Variants in DNAAF5 observed in about 807,000 individuals in gnomAD.
The protein encoded by DNAAF5 is HEAT repeat containing 2.
Under a neutral mutation model 75.8 loss-of-function variants are expected in DNAAF5, and 64 were observed. The observed-to-expected ratio is 0.84, with a 90% CI of 0.69 to 1.04. The LOEUF (loss-of-function observed/expected upper bound fraction) is 1.04. Ranked by LOEUF, DNAAF5 falls within the 50% of genes least tolerant of loss-of-function variation. The probability of loss-of-function intolerance (pLI) is 0.00; values close to 1 mark genes in which losing one functional copy is unlikely to be tolerated. For missense variants in DNAAF5, 1,269 were observed against 1,178.5 expected, an observed-to-expected ratio of 1.08 and a Z score of -1.12; for synonymous variants, 657 against 557.2, an observed-to-expected ratio of 1.18 and a Z score of -2.52.
chr7:752,054 G>A (rs1782314437), intron 4 of DNAAF5, among the ~76,000 whole-genome samples: 1 of 152,236 alleles, frequency 6.6e-6, no homozygotes, highest in Admixed American at 6.5e-5. Context: ...CCACAGTCAT[G>A]GGGCCACGTG....
At chr7:748,781 C>T (rs974809358) in intron 4 of DNAAF5, among the ~76,000 whole-genome samples, 29 of 152,194 alleles carry the variant, frequency 1.9e-4, no homozygotes, top group African/African-American at 6.5e-4. Flanking sequence ...GAGCACCCAG[C>T]GAGCTGATGA....
At chr7:761,257 G>C (rs1051908427) in intron 6 of DNAAF5, among the ~76,000 whole-genome samples, 15 of 152,154 alleles carry the variant, frequency 9.9e-5, no homozygotes, top group African/African-American at 2.4e-4. Flanking sequence ...GCGCCTGGGG[G>C]CTCTCCCTGC....
intron 8 of DNAAF5, among the ~76,000 whole-genome samples, chr7:769,868 CGACCTCAGGT>C (rs1184836383): frequency 6.6e-6 from 1 of 152,086 alleles, no homozygotes; most frequent in East Asian, 1.9e-4. Context: ...CTCGAACTCC[CGACCTCAGGT>C]GACCTCAGGT....
At chr7:768,327 CG>C (rs766084784) in intron 8 of DNAAF5, 1 of 145,996 alleles carries the variant, frequency 6.8e-6, no homozygotes, top group Non-Finnish European at 1.5e-5. Flanking sequence ...CAGGAGCTCT[CG>C]CTGGGAGGGC....
At chr7:782,283 TC>T in intron 12 of DNAAF5, among the ~76,000 whole-genome samples, 1 of 148,288 alleles carries the variant, frequency 6.7e-6, no homozygotes, top group Non-Finnish European at 1.5e-5. Flanking sequence ...ACACGCGGCA[TC>T]AGAAACTCGG....
chr7:784,965 G>A (rs750050853), intron 12 of DNAAF5, among the ~76,000 whole-genome samples: 12 of 151,782 alleles, frequency 7.9e-5, no homozygotes, highest in Non-Finnish European at 1.2e-4. Context: ...TGACCATGCA[G>A]CATCAGGTCA....
intron 6 of DNAAF5, among the ~76,000 whole-genome samples, chr7:757,472 C>T (rs1022631883): frequency 2.0e-5 from 3 of 151,258 alleles, no homozygotes; most frequent in African/African-American, 4.8e-5. Context: ...CTGCACAGAT[C>T]GCACGTCCTC....
intron 9 of DNAAF5, 86 bp from the exon 10 acceptor site, chr7:773,962 C>T (rs532132589): frequency 2.0e-6 from 3 of 1,504,936 alleles, no homozygotes; most frequent in Admixed American, 1.7e-5. Flanking sequence ...TTGGCTCCCC[C>T]CTCAGCCCCA....
At position 774,068 on chromosome 7, in the gene DNAAF5, AGACGGTGACAAAG is replaced by A; in HGVS notation, c.1956_1968del (p.Val653SerfsTer46). The A allele has an allele frequency of 1.2e-6, 2 of 1,613,988 alleles. No individual in the cohort carries two copies. The highest frequency in any genetic ancestry group is 1.7e-6 in the Non-Finnish European group (2 of 1,179,998). On this transcript the variant is annotated frameshift_variant, in exon 10 of 13. Coordinates refer to ENST00000297440, the MANE Select transcript of DNAAF5 (RefSeq NM_017802.4). LOFTEE classifies it high-confidence loss of function. The stretch of plus-strand genomic sequence containing the variant: ...TCCAGGCAGTTTCCCAGCTACCTCG[AGACGGTGACAAAG>A]GACATCCTGGCCCCCAATCTGCAGT...
rs560200877 is a variant in DNAAF5 at position 775,014 on chromosome 7, C to T, written c.2091C>T (p.Asp697=). The change falls in exon 11 of 13, where the codon GAC becomes GAT. Residue 697 remains aspartate, a synonymous_variant. Coordinates refer to ENST00000297440, the MANE Select transcript of DNAAF5 (RefSeq NM_017802.4). The stretch of plus-strand genomic sequence containing the variant: ...GTGTTTGCTGATTGCAGATACGGGA[C>T]GTGCAGGAAACACTGATGCCCCAGG... ...SEVLSAEQIR[D]VQETLMPQVL... 27 of 1,613,824 alleles carry T rather than the reference C, an allele frequency of 1.7e-5. No homozygotes were observed. The highest frequency in any genetic ancestry group is 2.7e-5 in the African/African-American group (2 of 75,002).
intron 2 of DNAAF5, among the ~76,000 whole-genome samples, chr7:734,161 G>C (rs996051546): frequency 1.3e-5 from 2 of 152,188 alleles, no homozygotes; most frequent in Non-Finnish European, 2.9e-5. Context: ...GTGAAAGCGA[G>C]CATCCTTGTC....
intron 12 of DNAAF5, among the ~76,000 whole-genome samples, chr7:782,632 GCGTGGCCGCCTCCCGT>G (rs1779004759): frequency 1.4e-5 from 2 of 145,800 alleles, no homozygotes; most frequent in Non-Finnish European, 3.0e-5. Context: ...GATATTCCTG[GCGTGGCCGCCTCCCGT>G]CACGCAGCGT....
intron 8 of DNAAF5, chr7:768,987 C>T: frequency 1.7e-6 from 1 of 594,702 alleles, no homozygotes; most frequent in Non-Finnish European, 3.1e-6. Flanking sequence ...CCAGCAGCTT[C>T]GGTGCAACGC....
chr7:782,348 G>A (rs879237311), intron 12 of DNAAF5, among the ~76,000 whole-genome samples: 2 of 31,768 alleles, frequency 6.3e-5, no homozygotes, highest in African/African-American at 2.1e-4. Flanking sequence ...TCGGCTCTTC[G>A]CGGCGTGGCC....
intron 12 of DNAAF5, among the ~76,000 whole-genome samples, chr7:784,634 G>A (rs1210479488): frequency 2.6e-5 from 4 of 151,768 alleles, no homozygotes; most frequent in African/African-American, 4.8e-5. Flanking sequence ...TTTCATCATC[G>A]GCCACTGCTT....
At chr7:747,447 C>T (rs1192386503) in intron 4 of DNAAF5, among the ~76,000 whole-genome samples, 2 of 151,794 alleles carry the variant, frequency 1.3e-5, no homozygotes, top group Admixed American at 6.6e-5. Flanking sequence ...TCAGCGTGTC[C>T]GGCTGGTGTG....
chr7:740,727 G>A (rs912229174), intron 2 of DNAAF5, 92 bp from the exon 3 acceptor site: 46 of 1,538,982 alleles, frequency 3.0e-5, no homozygotes, highest in Admixed American at 6.9e-5. Context: ...CTCAGGCAGC[G>A]TCCGTATGGC....
At chr7:762,063 G>C (rs888336479) in intron 7 of DNAAF5, among the ~76,000 whole-genome samples, 167 bp downstream of exon 7, 2 of 152,148 alleles carry the variant, frequency 1.3e-5, no homozygotes, top group Admixed American at 1.3e-4. Context: ...CTTCGGGGCA[G>C]CTCTCCAGCT....
chr7:752,061 C>T (rs1273612700), intron 4 of DNAAF5, among the ~76,000 whole-genome samples: 1 of 152,168 alleles, frequency 6.6e-6, no homozygotes, highest in East Asian at 1.9e-4. Context: ...CATGGGGCCA[C>T]GTGGTGTTGG....
Sources: gnomAD v4.1 joint callset for allele counts (sites outside exome capture counted in the v4.1 genomes callset) on GRCh38, gnomAD v4.1.1 for gene constraint, MANE v1.5 for transcripts, NCBI Gene and HGNC (gene_info 2026-07-23, HGNC 2026-07-21) for gene names.